Variants in WDR70 observed in about 807,000 individuals in gnomAD.
The protein encoded by WDR70 is WD repeat-containing protein 70.
A neutral mutation model predicts 88.6 loss-of-function variants in WDR70; 53 were observed. The observed-to-expected ratio is 0.60, with a 90% CI of 0.48 to 0.75. The LOEUF (loss-of-function observed/expected upper bound fraction) is 0.75, where lower values mean the gene tolerates loss of function less well. WDR70 is among the 30% of genes least tolerant of loss of function. The pLI, the probability that WDR70 is intolerant of heterozygous loss-of-function variation, is 0.00. For missense variants in WDR70, 610 were observed against 823.2 expected, an observed-to-expected ratio of 0.74 and a Z score of 3.17; for synonymous variants, 280 against 270.0, an observed-to-expected ratio of 1.04 and a Z score of -0.36.
chr5:37,428,236 CT>C (rs1431335045), intron 5 of WDR70, among the ~76,000 whole-genome samples: 2 of 151,886 alleles, frequency 1.3e-5, no homozygotes, highest in African/African-American at 4.8e-5. Flanking sequence ...TTTTGCTTTT[CT>C]GCAGATATCA....
chr5:37,520,834 G>T (rs1741063323), intron 9 of WDR70, among the ~76,000 whole-genome samples: 1 of 152,196 alleles, frequency 6.6e-6, no homozygotes, highest in Non-Finnish European at 1.5e-5. Flanking sequence ...AAATATTGGA[G>T]TACTGAAGCT....
intron 10 of WDR70, among the ~76,000 whole-genome samples, chr5:37,696,935 A>G (rs1345202665): frequency 1.3e-5 from 2 of 152,226 alleles, no homozygotes; most frequent in Non-Finnish European, 2.9e-5. Context: ...ATTATAATGA[A>G]GTATTTAAGA....
chr5:37,633,459 G>A (rs1744872168), intron 10 of WDR70, among the ~76,000 whole-genome samples: 1 of 151,072 alleles, frequency 6.6e-6, no homozygotes, highest in African/African-American at 2.4e-5. Context: ...AGTTTAAACG[G>A]CCATAACTTA....
At chr5:37,609,947 A>T (rs995215102) in intron 10 of WDR70, among the ~76,000 whole-genome samples, 1 of 152,236 alleles carries the variant, frequency 6.6e-6, no homozygotes, top group Non-Finnish European at 1.5e-5. Flanking sequence ...CCCATGTTAA[A>T]AGATTACTTT....
intron 10 of WDR70, among the ~76,000 whole-genome samples, chr5:37,658,946 C>G (rs1745628281): frequency 6.6e-6 from 1 of 152,096 alleles, no homozygotes; most frequent in Non-Finnish European, 1.5e-5. Context: ...AAGGGAGGGC[C>G]TGAAGAAGGG....
intron 10 of WDR70, among the ~76,000 whole-genome samples, chr5:37,645,281 A>G (rs2112549318): frequency 6.6e-6 from 1 of 151,376 alleles, no homozygotes; most frequent in South Asian, 2.1e-4. Context: ...TTCGATTTCC[A>G]TGCATTTGTA....
intron 10 of WDR70, among the ~76,000 whole-genome samples, chr5:37,618,350 AT>A (rs891624626): frequency 1.3e-5 from 2 of 152,176 alleles, no homozygotes; most frequent in Admixed American, 1.3e-4. Flanking sequence ...TGATGTATTT[AT>A]TAAAAACAGC....
chr5:37,639,731 C>T (rs545480826), intron 10 of WDR70, among the ~76,000 whole-genome samples: 1 of 151,810 alleles, frequency 6.6e-6, no homozygotes, highest in Non-Finnish European at 1.5e-5. Flanking sequence ...TGGTTTGTTC[C>T]ATTGATTTAA....
intron 5 of WDR70, among the ~76,000 whole-genome samples, chr5:37,411,168 T>G (rs1309901469): frequency 1.4e-5 from 2 of 146,810 alleles, no homozygotes; most frequent in African/African-American, 2.4e-5. Context: ...GCTGTGTTGC[T>G]CAGGTTGGTC....
At chr5:37,529,229 T>A (rs1034072356) in intron 9 of WDR70, among the ~76,000 whole-genome samples, 1 of 152,164 alleles carries the variant, frequency 6.6e-6, no homozygotes, top group African/African-American at 2.4e-5. Context: ...TATGGCCTTA[T>A]AGTATAGTTT....
In WDR70 at chr5:37,639,963, G is replaced by A. The variant is rs1022827690; in HGVS notation, c.1092+34725G>A. On this transcript the variant is annotated intron_variant, in intron 10 of 17. Transcript: ENST00000265107. Reference sequence around the variant, plus strand: ...TTGGTGTTACTATTATTCTCACTTCGCAGATGAGAAAACTAAGGCTTAAAG... The same window carrying A: ...TTGGTGTTACTATTATTCTCACTTCACAGATGAGAAAACTAAGGCTTAAAG... Among the ~76,000 whole-genome samples, 29 of 151,894 alleles carry A rather than the reference G, an allele frequency of 1.9e-4. 1 individual carries two copies. The highest frequency in any genetic ancestry group is 2.9e-5 in the Non-Finnish European group (2 of 67,954).
intron 10 of WDR70, among the ~76,000 whole-genome samples, chr5:37,633,429 A>G (rs1013245277): frequency 2.6e-5 from 4 of 152,024 alleles, no homozygotes; most frequent in Non-Finnish European, 4.4e-5. Flanking sequence ...GAAATGGTGT[A>G]AAATTAAAAC....
At chr5:37,724,867 T>G in intron 15 of WDR70, 67 bp from the exon 16 acceptor site, 3 of 1,362,252 alleles carry the variant, frequency 2.2e-6, no homozygotes, top group Non-Finnish European at 3.1e-6. Flanking sequence ...TTAGTCATGC[T>G]TTAACTATGT....
intron 5 of WDR70, among the ~76,000 whole-genome samples, chr5:37,399,243 A>C (rs1488044468): frequency 6.6e-6 from 1 of 152,106 alleles, no homozygotes; most frequent in Non-Finnish European, 1.5e-5. Context: ...GCGCCACTGC[A>C]CTCCAGTCTG....
At chr5:37,743,114 T>A (rs1251323546) in intron 17 of WDR70, among the ~76,000 whole-genome samples, 1 of 152,182 alleles carries the variant, frequency 6.6e-6, no homozygotes, top group Non-Finnish European at 1.5e-5. Flanking sequence ...ATCCAGGTTC[T>A]CTCATCAAAA....
At chr5:37,588,396 G>A (rs189716890) in intron 9 of WDR70, among the ~76,000 whole-genome samples, 74 of 152,066 alleles carry the variant, frequency 4.9e-4, no homozygotes, top group Admixed American at 4.2e-3. Flanking sequence ...TATTTTTTGT[G>A]AACTTCATGA....
Position 37,701,143 on chromosome 5 carries a change from G to GTAAGTAGC in WDR70, c.1277+2_1277+9dup. The GTAAGTAGC allele has an allele frequency of 6.3e-7, 1 of 1,578,834 alleles. No individual in the cohort carries two copies. The highest frequency in any genetic ancestry group is 1.1e-5 in the South Asian group (1 of 90,308). ...CGGGTCTTCCCACCATGTTCCCAAT[G>GTAAGTAGC]TAAGTAGCATATTTTAAATATTTGA... is the stretch of plus-strand genomic sequence containing the variant. On this transcript the variant is annotated splice_donor_variant, in intron 12 of 17. Transcript: ENST00000265107. LOFTEE classifies it high-confidence loss of function.
chr5:37,538,636 C>T (rs1741732005), intron 9 of WDR70, among the ~76,000 whole-genome samples: 1 of 152,112 alleles, frequency 6.6e-6, no homozygotes, highest in Admixed American at 6.6e-5. Flanking sequence ...AGTGCCTTAA[C>T]TTTTTAATTC....
At chr5:37,493,644 G>C (rs1740132911) in intron 8 of WDR70, among the ~76,000 whole-genome samples, 1 of 152,168 alleles carries the variant, frequency 6.6e-6, no homozygotes. Context: ...CTACGCAGCT[G>C]TTAGGTAATA....
Sources: allele counts gnomAD v4.1 joint callset (sites outside exome capture counted in the v4.1 genomes callset), GRCh38; gene constraint gnomAD v4.1.1; transcripts MANE v1.5; gene names NCBI Gene and HGNC (gene_info 2026-07-23, HGNC 2026-07-21).